Variants in LIMK2 observed in about 807,000 individuals in gnomAD.
LIMK2 encodes the protein LIM domain kinase 2.
In LIMK2, 35 loss-of-function variants were observed where a neutral mutation model predicts 75.7. The ratio of observed to expected loss-of-function variants is 0.46; its 90% CI spans 0.35 to 0.61. The LOEUF is 0.61. Among genes scored for constraint, LIMK2 ranks in the 20% least tolerant of loss-of-function variants. The probability of loss-of-function intolerance (pLI) is 0.00; values close to 1 mark genes in which losing one functional copy is unlikely to be tolerated. For synonymous variants in LIMK2, 301 were observed against 319.2 expected, an observed-to-expected ratio of 0.94 and a Z score of 0.61; for missense variants, 623 against 831.0, an observed-to-expected ratio of 0.75 and a Z score of 3.08.
At chr22:31,216,700 T>C (rs552491786) in intron 1 of LIMK2, among the ~76,000 whole-genome samples, 1 of 152,224 alleles carries the variant, frequency 6.6e-6, no homozygotes, top group East Asian at 1.9e-4. Flanking sequence ...TAAATAAAAA[T>C]CCGTCATGAT....
At chr22:31,268,232 C>G in intron 11 of LIMK2, 32 bp downstream of exon 11, 1 of 1,579,596 alleles carries the variant, frequency 6.3e-7, no homozygotes, top group Non-Finnish European at 8.7e-7. Flanking sequence ...GCCAGCAGGG[C>G]GAGAGTAGGG....
At chr22:31,255,978 C>CTT (rs567250437) in intron 2 of LIMK2, among the ~76,000 whole-genome samples, 304 of 29,686 alleles carry the variant, frequency 0.01, 119 homozygotes, top group African/African-American at 0.013. Flanking sequence ...TATATTGGGT[C>CTT]TTTTTTTTTT....
intron 2 of LIMK2, among the ~76,000 whole-genome samples, chr22:31,229,773 T>C (rs1228974871): frequency 6.6e-6 from 1 of 152,284 alleles, no homozygotes; most frequent in South Asian, 2.1e-4. Flanking sequence ...CATTCTTCTG[T>C]CTGCAGCCAC....
At chr22:31,264,816 T>C (rs970452064) in intron 7 of LIMK2, among the ~76,000 whole-genome samples, 3 of 151,628 alleles carry the variant, frequency 2.0e-5, no homozygotes, top group African/African-American at 4.9e-5. Context: ...CCCAGCACTT[T>C]GGGAGGCCGA....
At chr22:31,256,016 T>TGA (rs1234538220) in intron 2 of LIMK2, among the ~76,000 whole-genome samples, 1 of 127,802 alleles carries the variant, frequency 7.8e-6, no homozygotes, top group Admixed American at 8.3e-5. Context: ...TTTTTTTTTT[T>TGA]GAGACGGAAT....
At chr22:31,275,598 T>TAATGA in intron 15 of LIMK2, 1 of 351,644 alleles carries the variant, frequency 2.8e-6, no homozygotes, top group Non-Finnish European at 5.2e-6. Context: ...TGTATTCATC[T>TAATGA]TTCGATATTC....
At chr22:31,271,790 C>T (rs1436475115) in intron 12 of LIMK2, among the ~76,000 whole-genome samples, 3 of 152,310 alleles carry the variant, frequency 2.0e-5, no homozygotes, top group Admixed American at 2.0e-4. Flanking sequence ...GCTTGTCTCC[C>T]CCAAGTCTCC....
chr22:31,231,819 A>G (rs544062122), intron 2 of LIMK2, among the ~76,000 whole-genome samples: 1 of 151,852 alleles, frequency 6.6e-6, no homozygotes, highest in Non-Finnish European at 1.5e-5. Flanking sequence ...TAACCCTGCA[A>G]CCCCCACCTT....
At chr22:31,271,902 AC>A (rs2123861885) in intron 12 of LIMK2, among the ~76,000 whole-genome samples, 1 of 151,564 alleles carries the variant, frequency 6.6e-6, no homozygotes, top group East Asian at 1.9e-4. Context: ...AACAAAAGCA[AC>A]CCCCTGTCCC....
chr22:31,220,745 C>T (rs190864671), intron 1 of LIMK2, among the ~76,000 whole-genome samples: 1 of 152,276 alleles, frequency 6.6e-6, no homozygotes. Context: ...GGCAGACCAC[C>T]TGAGGTTGGG....
At chr22:31,274,812 C>G (rs937430932) in intron 14 of LIMK2, among the ~76,000 whole-genome samples, 2 of 152,144 alleles carry the variant, frequency 1.3e-5, no homozygotes, top group South Asian at 4.1e-4. Flanking sequence ...GATCCAGCAC[C>G]TCATAGAGCC....
chr22:31,226,756 C>T (rs1378771891), intron 2 of LIMK2, among the ~76,000 whole-genome samples: 1 of 152,196 alleles, frequency 6.6e-6, no homozygotes, highest in Non-Finnish European at 1.5e-5. Context: ...ACTCCAGGCA[C>T]CTGCCACCAC....
intron 2 of LIMK2, among the ~76,000 whole-genome samples, chr22:31,238,980 G>A (rs2048602434): frequency 6.6e-6 from 1 of 152,184 alleles, no homozygotes; most frequent in African/African-American, 2.4e-5. Flanking sequence ...TAGTATCATG[G>A]AGCAACAGTG....
chr22:31,276,970 G>C (rs1394779071), intron 15 of LIMK2: 1 of 1,613,874 alleles, frequency 6.2e-7, no homozygotes, highest in Non-Finnish European at 8.5e-7. Context: ...GGAGATCTCA[G>C]AACTAGAGAT....
At chr22:31,271,918 C>CT (rs2123861904) in intron 12 of LIMK2, among the ~76,000 whole-genome samples, 1 of 152,342 alleles carries the variant, frequency 6.6e-6, no homozygotes, top group South Asian at 2.1e-4. Context: ...TGTCCCACCT[C>CT]TGAGTTCCAC....
At chr22:31,236,293 TAAA>T (rs58401512) in intron 2 of LIMK2, among the ~76,000 whole-genome samples, 3 of 104,138 alleles carry the variant, frequency 2.9e-5, no homozygotes, top group Non-Finnish European at 2.0e-5. Context: ...AGACTCAGTC[TAAA>T]AAAAAAAAAA....
intron 2 of LIMK2, among the ~76,000 whole-genome samples, chr22:31,240,159 C>CA (rs1293368928): frequency 1.3e-5 from 2 of 151,812 alleles, no homozygotes; most frequent in African/African-American, 4.8e-5. Context: ...CTTACGATTA[C>CA]AAAAAAAACC....
chr22:31,228,013 TGTGC>T (rs985107006), intron 2 of LIMK2, among the ~76,000 whole-genome samples: 9 of 133,266 alleles, frequency 6.8e-5, no homozygotes, highest in African/African-American at 2.7e-4. Flanking sequence ...TTGTTAGCTC[TGTGC>T]GTGCGTGTGT....
chr22:31,257,499 A>C (rs1291081470), intron 2 of LIMK2, among the ~76,000 whole-genome samples: 1 of 152,160 alleles, frequency 6.6e-6, no homozygotes, highest in African/African-American at 2.4e-5. Context: ...CTCCTATATA[A>C]GTCAGATATC....
Sources: allele counts gnomAD v4.1 joint callset (sites outside exome capture counted in the v4.1 genomes callset), GRCh38; gene constraint gnomAD v4.1.1; transcripts MANE v1.5; gene names NCBI Gene and HGNC (gene_info 2026-07-23, HGNC 2026-07-21).